SHANK1: variants seen among roughly 807,000 people sequenced by gnomAD.
SHANK1 encodes SH3 and multiple ankyrin repeat domains 1.
A neutral mutation model predicts 165.6 loss-of-function variants in SHANK1; 35 were observed. That is an observed-to-expected ratio of 0.21 (90% confidence interval 0.16 to 0.28). The LOEUF (loss-of-function observed/expected upper bound fraction) is 0.28, where lower values mean the gene tolerates loss of function less well. SHANK1 is among the 10% of genes least tolerant of loss of function. The pLI is 1.00. For synonymous variants in SHANK1, 1,428 were observed against 1,384.8 expected (o/e 1.03, Z -0.69); for missense variants, 2,681 against 3,036.4 (o/e 0.88, Z 2.75).
In SHANK1 at chr19:50,666,676, G is replaced by A. The variant is rs1017939925; in HGVS notation, c.5284C>T (p.Leu1762=). ...GGCCGCAGGCCTCCGCTGGCTCCTA[G>A]CGCCCGGCCCCGGAGCTTAGAGGGA... is the stretch of plus-strand genomic sequence containing the variant. The part of the protein sequence containing the change: ...MTPSKLRGRA[L]GASGGLRPGP... The change falls in exon 23 of 24, where the codon CTA becomes TTA. Residue 1762 remains leucine (L), a synonymous_variant. Coordinates refer to ENST00000293441, the MANE Select transcript of SHANK1 (RefSeq NM_016148.5). 1 of 1,586,336 alleles carries A rather than the reference G, an allele frequency of 6.3e-7. No individual in the cohort carries two copies. The highest frequency in any genetic ancestry group is 8.6e-7 in the Non-Finnish European group (1 of 1,169,566).
At chr19:50,696,744 G>A (rs894736420) in intron 15 of SHANK1, among the ~76,000 whole-genome samples, 4 of 152,014 alleles carry the variant, frequency 2.6e-5, no homozygotes, top group Non-Finnish European at 5.9e-5. Context: ...AGAGAGGGAC[G>A]GATGTGTGCA....
At chr19:50,665,159 T>C (rs10419846) in intron 23 of SHANK1, among the ~76,000 whole-genome samples, 10,763 of 152,256 alleles carry the variant, frequency 0.071, 679 homozygotes, top group African/African-American at 0.17. Flanking sequence ...CTGGACCCAG[T>C]GGCTTACACC....
Position 50,668,658 on chromosome 19 carries a change from C to T in SHANK1, c.3302G>A (p.Arg1101His). ...AASAAMYVPARSGRGRKGPLV... is the reference protein window; with the variant it reads ...AASAAMYVPAHSGRGRKGPLV... ...CGGGCCCTTGCGGCCGCGGCCCGAGCGGGCGGGCACGTACATGGCTGCGCT... is the reference window on the plus strand; with the variant it reads ...CGGGCCCTTGCGGCCGCGGCCCGAGTGGGCGGGCACGTACATGGCTGCGCT... Residue 1101 changes from arginine (R) to histidine (H), a missense_variant, in exon 23 of 24, where the codon CGC becomes CAC. Physicochemically the swap from Arg to His is conservative, Grantham distance 29. Around this residue, in one of 10 missense-constraint regions of SHANK1, gnomAD observed 1,713 missense variants for 1,630.2 expected, o/e 1.05. Transcript: ENST00000293441. 7.4e-7 allele frequency: 1 copy of T among 1,358,712 alleles called. No individual in the cohort carries two copies. The highest frequency in any genetic ancestry group is 9.5e-7 in the Non-Finnish European group (1 of 1,055,970). 84.2% of individuals were successfully genotyped at this position (1,358,712 alleles called of 1,614,324 possible). A position where few individuals can be genotyped will look rare whatever the true frequency, so the allele number is the denominator to read the frequency against.
rs1381872461 is a variant in SHANK1 at position 50,668,208 on chromosome 19, C to T, written c.3752G>A (p.Arg1251His). 1.8e-5 allele frequency: 27 copies of T among 1,495,842 alleles called. No individual in the cohort carries two copies. The highest frequency in any genetic ancestry group is 2.4e-5 in the Non-Finnish European group (27 of 1,135,798). 92.7% of individuals were successfully genotyped at this position (1,495,842 alleles called of 1,614,324 possible). The stretch of plus-strand genomic sequence containing the variant: ...GGACAGGAACAGCGTGGAGCGCCGG[C>T]GCGCCTCATTCTGCCAGCCCCCCTC... ...RREGGWQNEA[R>H]RRSTLFLSTD... Residue 1251 changes from arginine to histidine, a missense_variant, in exon 23 of 24, where the codon CGC becomes CAC. Around this residue, in one of 10 missense-constraint regions of SHANK1, gnomAD observed 1,713 missense variants for 1,630.2 expected, o/e 1.05. Transcript: ENST00000293441.
chr19:50,680,772 C>T (rs112016590), intron 21 of SHANK1, among the ~76,000 whole-genome samples: 183 of 152,176 alleles, frequency 1.2e-3, no homozygotes, highest in African/African-American at 4.0e-3. Context: ...TCTCCTGTCC[C>T]ATGCTCCCGA....
At chr19:50,677,926 A>G (rs1986032408) in intron 21 of SHANK1, among the ~76,000 whole-genome samples, 1 of 152,072 alleles carries the variant, frequency 6.6e-6, no homozygotes. Context: ...GCCACAGACC[A>G]ATACTCTGCT....
chr19:50,686,596 G>A lies in SHANK1; in HGVS notation c.2458+148C>T. On this transcript the variant is annotated intron_variant, in intron 20 of 23. Transcript: ENST00000293441. This position sits in a 1 kb window ranked among gnomAD's most constrained non-coding sequence, Gnocchi z 5.7. The stretch of plus-strand genomic sequence containing the variant: ...GCAGGGAACGGGGCAGCCGTCGGGA[G>A]AGGGCGGGCGGAGGGAGGGGAGGTG... The A allele has an allele frequency of 2.6e-6, 2 of 772,472 alleles. No individual in the cohort carries two copies. The highest frequency in any genetic ancestry group is 3.5e-5 in the South Asian group (2 of 57,866). 47.9% of individuals were successfully genotyped at this position (772,472 alleles called of 1,614,324 possible).
rs2089115697 is a variant in SHANK1 at position 50,719,712 on chromosome 19, C to T, written c.-350G>A. Among the ~76,000 whole-genome samples, 1 of 150,518 alleles carries T rather than the reference C, an allele frequency of 6.6e-6. No individual in the cohort carries two copies. The highest frequency in any genetic ancestry group is 1.5e-5 in the Non-Finnish European group (1 of 67,216). ...TCCGGGCGCCGCGTCTCCGCCTGCT[C>T]TTCCTCCTCCTCTTCCTCGGGCCGC... is the stretch of plus-strand genomic sequence containing the variant. On this transcript the variant is annotated 5_prime_UTR_variant, in exon 1 of 24. Coordinates refer to ENST00000293441, the MANE Select transcript of SHANK1 (RefSeq NM_016148.5).
chr19:50,663,013 C>T (rs1327827712), intron 23 of SHANK1: 2 of 355,972 alleles, frequency 5.6e-6, no homozygotes, highest in Non-Finnish European at 1.0e-5. Flanking sequence ...AAGTGCTTTA[C>T]ATGATTGCAT....
At chr19:50,711,760 GT>G (rs902623029) in intron 7 of SHANK1, among the ~76,000 whole-genome samples, 186 bp downstream of exon 7, 29 of 152,308 alleles carry the variant, frequency 1.9e-4, no homozygotes, top group African/African-American at 7.0e-4. Context: ...AAGGCATCAG[GT>G]TCCCCAGCCT....
At chr19:50,665,179 A>G (rs1985427288) in intron 23 of SHANK1, among the ~76,000 whole-genome samples, 1 of 152,210 alleles carries the variant, frequency 6.6e-6, no homozygotes, top group South Asian at 2.1e-4. Flanking sequence ...CTGTAATCAC[A>G]CTTTGGGAGG....
Position 50,703,564 on chromosome 19 carries a change from C to A in SHANK1, c.1489G>T (p.Ala497Ser), listed in dbSNP as rs2088896792. 1 of 1,554,444 alleles carries A rather than the reference C, an allele frequency of 6.4e-7. No homozygotes were observed. The highest frequency in any genetic ancestry group is 8.7e-7 in the Non-Finnish European group (1 of 1,154,254). Residue 497 changes from alanine (A) to serine (S), a missense_variant, in exon 11 of 24, where the codon GCC (alanine) becomes TCC (serine). Coordinates refer to ENST00000293441, the MANE Select transcript of SHANK1 (RefSeq NM_016148.5). The stretch of plus-strand genomic sequence containing the variant: ...TGCCTCCCTCGGGATGGAGAGCGGG[C>A]CCTGGCACCCCGGGGGCTGCTGGCA... ...RSASSPRGAR[A>S]RSPSRGRHPE...
chr19:50,687,899 C>CAGCGAGAG (rs1425687882), intron 18 of SHANK1, 24 bp downstream of exon 18: 1 of 1,613,320 alleles, frequency 6.2e-7, no homozygotes, highest in South Asian at 1.1e-5. Flanking sequence ...AGTGGGGTGG[C>CAGCGAGAG]TGCGAGAGTG....
rs1985742208 is a variant in SHANK1, at chr19:50,670,195, T to G, written c.2675-910A>C. Among the ~76,000 whole-genome samples, 1 of 151,970 alleles carries G rather than the reference T, an allele frequency of 6.6e-6. No individual in the cohort carries two copies. The highest frequency in any genetic ancestry group is 1.5e-5 in the Non-Finnish European group (1 of 67,994). ...CAGACTCCTCCCAGCCCACGGTCCC[T>G]CCCCACCACCGCAGCAAACAGCAGC... On this transcript the variant is annotated intron_variant, in intron 22 of 23. Coordinates refer to ENST00000293441, the MANE Select transcript of SHANK1 (RefSeq NM_016148.5). This position sits in a 1 kb window ranked among gnomAD's most constrained non-coding sequence, Gnocchi z 4.1.
At position 50,688,091 on chromosome 19, in the gene SHANK1, T is replaced by C. The variant is rs777072611; in HGVS notation, c.2173-33A>G. Reference sequence around the variant, plus strand: ...ACAGACACCCCCAGATCACACAGAGTAGACGAGGGGAGGGGTGCTTGCAGC... The same window carrying C: ...ACAGACACCCCCAGATCACACAGAGCAGACGAGGGGAGGGGTGCTTGCAGC... On this transcript the variant is annotated intron_variant, in intron 17 of 23. Transcript: ENST00000293441. The surrounding 1 kb of genome is among the most constrained non-coding windows in gnomAD (Gnocchi z 6.7). 5.0e-6 allele frequency: 8 copies of C among 1,612,026 alleles called. No homozygotes were observed. In the East Asian group the frequency reaches 1.8e-4, roughly 36 times the overall value.
Position 50,716,622 on chromosome 19 carries a change from G to A in SHANK1, c.255+43C>T, listed in dbSNP as rs750768780. On this transcript the variant is annotated intron_variant, in intron 2 of 23. Transcript: ENST00000293441. This position sits in a 1 kb window ranked among gnomAD's most constrained non-coding sequence, Gnocchi z 8.4. ...CAGTGGACTCCCCATGTCGGTTGGG[G>A]CACTGTCCCTCTCCTGCCGCTGGCC... 7.7e-6 allele frequency: 12 copies of A among 1,551,974 alleles called. No homozygotes were observed. The highest frequency in any genetic ancestry group is 1.0e-5 in the Non-Finnish European group (12 of 1,145,814).
chr19:50,680,645 G>T (rs1165650771), intron 21 of SHANK1, among the ~76,000 whole-genome samples: 1 of 150,318 alleles, frequency 6.7e-6, no homozygotes, highest in African/African-American at 2.5e-5. Context: ...CAAGTCCTTA[G>T]ATAGTGGCAT....
At position 50,668,562 on chromosome 19, in the gene SHANK1, G is replaced by T; in HGVS notation, c.3398C>A (p.Thr1133Lys). The T allele has an allele frequency of 1.5e-6, 2 of 1,347,314 alleles. No individual in the cohort carries two copies. The highest frequency in any genetic ancestry group is 1.9e-6 in the Non-Finnish European group (2 of 1,048,272). 83.5% of individuals were successfully genotyped at this position (1,347,314 alleles called of 1,614,324 possible). A position where few individuals can be genotyped will look rare whatever the true frequency, so the allele number is the denominator to read the frequency against. ...GGGLPPAPSPTSPASPQPPPA... is the reference protein window; with the variant it reads ...GGGLPPAPSPKSPASPQPPPA... ...CGGCGGCTGCGGGGAGGCCGGGGAC[G>T]TGGGCGACGGCGCGGGCGGGAGGCC... The change falls in exon 23 of 24, where the codon ACG becomes AAG. Residue 1133 changes from threonine (T) to lysine (K), a missense_variant. By Grantham distance (78) the Thr-to-Lys change is moderately conservative. This residue lies in a region of SHANK1 where 1,713 missense variants were observed against 1,630.2 expected (regional missense o/e 1.05). Transcript: ENST00000293441.
intron 21 of SHANK1, among the ~76,000 whole-genome samples, chr19:50,683,315 T>C (rs1986232480): frequency 6.6e-6 from 1 of 152,176 alleles, no homozygotes; most frequent in South Asian, 2.1e-4. Context: ...CAGCTCCAAA[T>C]ACAGGCAATT....
Sources: allele counts gnomAD v4.1 joint callset (sites outside exome capture counted in the v4.1 genomes callset), GRCh38; gene constraint gnomAD v4.1.1; regional missense constraint gnomAD v4.1.1; non-coding constraint Gnocchi (gnomAD v3.1); transcripts MANE v1.5; gene names NCBI Gene and HGNC (gene_info 2026-07-23, HGNC 2026-07-21).